DGKI: variants seen among roughly 807,000 people sequenced by gnomAD.
The protein encoded by DGKI is DAG kinase iota.
DGKI carries 55 observed loss-of-function variants against 147.5 expected under a neutral mutation model. That is an observed-to-expected ratio of 0.37 (90% CI 0.30 to 0.47). The LOEUF (loss-of-function observed/expected upper bound fraction) is 0.47, where lower values mean the gene tolerates loss of function less well. DGKI is among the 20% of genes least tolerant of loss of function. The probability of loss-of-function intolerance (pLI) is 1.00; values close to 1 mark genes in which losing one functional copy is unlikely to be tolerated. For synonymous variants in DGKI, 469 were observed against 477.1 expected (o/e 0.98, Z 0.22); for missense variants, 1,007 against 1,323.8 (o/e 0.76, Z 3.71).
intron 19 of DGKI, among the ~76,000 whole-genome samples, chr7:137,564,660 A>T (rs1723089): frequency 0.11 from 16,668 of 152,244 alleles, 2,058 homozygotes; most frequent in African/African-American, 0.3. Context: ...CTGTTCCAGA[A>T]TTTTATCTGT....
Position 137,386,620 on chromosome 7 carries a change from C to G in DGKI, c.*4600G>C, listed in dbSNP as rs934161528. The G allele has an allele frequency of 3.3e-5, 5 of 152,042 alleles. No homozygotes were observed. Among genetic ancestry groups the G allele is most frequent in the Non-Finnish European group, 7.4e-5 (5 of 68,006 alleles). 9.4% of individuals were successfully genotyped at this position (152,042 alleles called of 1,614,324 possible). A position where few individuals can be genotyped will look rare whatever the true frequency, so the allele number is the denominator to read the frequency against. ...TGACAAAATTATTGACAGTAGTAGG[C>G]AGAAAGTTCAGGGACAGGACTGCCG... On this transcript the variant is annotated 3_prime_UTR_variant, in exon 33 of 33. Coordinates refer to ENST00000614521, the MANE Select transcript of DGKI (RefSeq NM_001321708.2).
At chr7:137,757,320 C>T (rs1464843112) in intron 1 of DGKI, among the ~76,000 whole-genome samples, 1 of 152,174 alleles carries the variant, frequency 6.6e-6, no homozygotes, top group Non-Finnish European at 1.5e-5. Context: ...GTAACCACTT[C>T]CTTCTCTTTA....
intron 19 of DGKI, among the ~76,000 whole-genome samples, chr7:137,569,812 A>G (rs1206904344): frequency 7.0e-6 from 1 of 143,570 alleles, no homozygotes; most frequent in Non-Finnish European, 1.5e-5. Flanking sequence ...ACTTAATCCT[A>G]TTTGCTCTTG....
chr7:137,843,518 C>G (rs1472757393), intron 1 of DGKI: 1 of 675,106 alleles, frequency 1.5e-6, no homozygotes, highest in Non-Finnish European at 1.8e-6. Context: ...AAAGCCAACA[C>G]AGAATAGATA....
intron 1 of DGKI, among the ~76,000 whole-genome samples, chr7:137,724,938 T>A (rs56134003): frequency 2.0e-5 from 3 of 152,084 alleles, no homozygotes; most frequent in Non-Finnish European, 2.9e-5. Flanking sequence ...TCTCCAACAA[T>A]TAGAAGTTGA....
intron 28 of DGKI, 66 bp downstream of exon 28, chr7:137,444,011 G>A (rs1253262800): frequency 8.9e-6 from 12 of 1,343,870 alleles, no homozygotes; most frequent in Non-Finnish European, 1.2e-5. Context: ...CTCTGACAAT[G>A]AACTGCAAAG....
chr7:137,818,603 G>A (rs1430113664), intron 1 of DGKI, among the ~76,000 whole-genome samples: 4 of 152,048 alleles, frequency 2.6e-5, no homozygotes, highest in Non-Finnish European at 5.9e-5. Context: ...CACCATGCCC[G>A]GCTAATTTTT....
intron 1 of DGKI, among the ~76,000 whole-genome samples, chr7:137,720,874 AG>A (rs1794533832): frequency 6.6e-6 from 1 of 152,206 alleles, no homozygotes; most frequent in Non-Finnish European, 1.5e-5. Context: ...AAGACAAAAA[AG>A]CTTTTTTACT....
chr7:137,626,565 C>A (rs1219442738), intron 6 of DGKI, among the ~76,000 whole-genome samples: 1 of 152,074 alleles, frequency 6.6e-6, no homozygotes, highest in East Asian at 1.9e-4. Flanking sequence ...AATAAGATGG[C>A]ACCAAAACTG....
intron 3 of DGKI, among the ~76,000 whole-genome samples, chr7:137,669,761 T>C (rs934854757): frequency 1.3e-5 from 2 of 152,202 alleles, no homozygotes; most frequent in African/African-American, 4.8e-5. Flanking sequence ...GTCATAAAGC[T>C]CTAGAGAGTG....
chr7:137,435,703 G>T (rs927264819), intron 28 of DGKI, among the ~76,000 whole-genome samples: 1 of 152,160 alleles, frequency 6.6e-6, no homozygotes, highest in Non-Finnish European at 1.5e-5. Flanking sequence ...GCAAAGTGAT[G>T]TACTGTGACG....
At chr7:137,844,310 C>T (rs1798646333) in intron 1 of DGKI, among the ~76,000 whole-genome samples, 1 of 152,228 alleles carries the variant, frequency 6.6e-6, no homozygotes, top group South Asian at 2.1e-4. Context: ...TTTCCTCTGA[C>T]TTTGAGACTG....
At chr7:137,428,883 C>T (rs1204169411) in intron 28 of DGKI, among the ~76,000 whole-genome samples, 3 of 152,094 alleles carry the variant, frequency 2.0e-5, no homozygotes, top group Admixed American at 2.0e-4. Flanking sequence ...CTACAAACAA[C>T]TGCTCAATGA....
At position 137,706,477 on chromosome 7, in the gene DGKI, C is replaced by CTTATTTTATTTTATT. The variant is rs147205940; in HGVS notation, c.402-16490_402-16476dup. Among the ~76,000 whole-genome samples, 660 of 147,570 alleles carry CTTATTTTATTTTATT rather than the reference C, an allele frequency of 4.5e-3. 2 individuals are homozygous for CTTATTTTATTTTATT. The highest frequency in any genetic ancestry group is 0.016 in the African/African-American group (644 of 40,608). On this transcript the variant is annotated intron_variant, in intron 1 of 32. Coordinates refer to ENST00000614521, the MANE Select transcript of DGKI (RefSeq NM_001321708.2). ...TGGTATACTGAAGTACCAAAACATC[C>CTTATTTTATTTTATT]TTATTTTATTTTATTTTATTTTATT...
Position 137,722,429 on chromosome 7 carries a change from C to G in DGKI, c.402-32427G>C, listed in dbSNP as rs1585409989. On this transcript the variant is annotated intron_variant, in intron 1 of 32. Transcript: ENST00000614521. ...CTGCGAGCCAGCATTACCCCCGGGA[C>G]CATTCTGATCATCCTCACTGGACGC... is the stretch of plus-strand genomic sequence containing the variant. 10 of 1,611,226 alleles carry G rather than the reference C, an allele frequency of 6.2e-6. No homozygotes were observed. The African/African-American group carries it at 1.1e-4, about 17-fold the overall frequency.
intron 6 of DGKI, among the ~76,000 whole-genome samples, chr7:137,628,974 T>G (rs551756934): frequency 6.6e-6 from 1 of 152,340 alleles, no homozygotes; most frequent in African/African-American, 2.4e-5. Context: ...GAGAATATTC[T>G]GACCATAGGC....
intron 1 of DGKI, among the ~76,000 whole-genome samples, chr7:137,796,706 A>C (rs1379302767): frequency 6.6e-6 from 1 of 152,212 alleles, no homozygotes; most frequent in East Asian, 1.9e-4. Context: ...CAGCACAACT[A>C]TGCGGACAGA....
chr7:137,718,539 G>A lies in DGKI; in HGVS notation c.402-28537C>T, dbSNP rs140567126. ...ACTCAAGCGCTTTCTCCTTGGATAC[G>A]CAAGGCTCCAGACACACAGCTCCAG... On this transcript the variant is annotated intron_variant, in intron 1 of 32. Transcript: ENST00000614521. Among the ~76,000 whole-genome samples the A allele has an allele frequency of 5.8e-4, 89 of 152,288 alleles. No individual in the cohort carries two copies. In the Middle Eastern group the frequency reaches 0.027, roughly 47 times the overall value.
intron 1 of DGKI, among the ~76,000 whole-genome samples, chr7:137,820,656 A>G (rs1275956105): frequency 3.9e-5 from 6 of 152,122 alleles, no homozygotes; most frequent in Admixed American, 3.9e-4. Flanking sequence ...AATCCCAAGG[A>G]CAGTGTCTCT....
Sources: allele counts gnomAD v4.1 joint callset (sites outside exome capture counted in the v4.1 genomes callset), GRCh38; gene constraint gnomAD v4.1.1; transcripts MANE v1.5; gene names NCBI Gene and HGNC (gene_info 2026-07-23, HGNC 2026-07-21).